SLC25A36: variants seen among roughly 807,000 people sequenced by gnomAD.
SLC25A36 encodes the protein epididymis secretory sperm binding protein.
A neutral mutation model predicts 35.3 loss-of-function variants in SLC25A36; 24 were observed. The observed-to-expected ratio is 0.68, with a 90% CI of 0.49 to 0.96. SLC25A36 has a LOEUF of 0.96. Among genes scored for constraint, SLC25A36 ranks in the 40% least tolerant of loss-of-function variants. The probability of loss-of-function intolerance (pLI) is 0.00; values close to 1 mark genes in which losing one functional copy is unlikely to be tolerated. For missense variants in SLC25A36, 294 were observed against 381.1 expected (o/e 0.77, Z 1.90); for synonymous variants, 141 against 132.2 (o/e 1.07, Z -0.46).
chr3:140,963,350 A>G, intron 4 of SLC25A36, 123 bp downstream of exon 4: 1 of 660,822 alleles, frequency 1.5e-6, no homozygotes, highest in Non-Finnish European at 2.5e-6. Context: ...GATGATTTTT[A>G]CGTTTATCGA....
In SLC25A36 at chr3:140,973,701, C is replaced by G. The variant is rs780544346; in HGVS notation, c.453-15C>G. 7.0e-7 allele frequency: 1 copy of G among 1,427,784 alleles called. No individual in the cohort carries two copies. Among genetic ancestry groups the G allele is most frequent in the Admixed American group, 2.4e-5 (1 of 41,874 alleles). The allele number at this position is 1,427,784 out of a possible 1,614,324, so 88.4% of individuals were successfully genotyped here. On this transcript the variant is annotated splice_polypyrimidine_tract_variant and intron_variant, in intron 5 of 6. Coordinates refer to ENST00000324194, the MANE Select transcript of SLC25A36 (RefSeq NM_001104647.3). Reference sequence around the variant, plus strand: ...TAAAAAACCTATCAGTAAGATGTTTCTTTTTGCTTTTCAGGAACCGCGGGG... The same window carrying G: ...TAAAAAACCTATCAGTAAGATGTTTGTTTTTGCTTTTCAGGAACCGCGGGG...
At chr3:140,961,132 C>G (rs1349459050) in intron 3 of SLC25A36, among the ~76,000 whole-genome samples, 5 of 151,994 alleles carry the variant, frequency 3.3e-5, no homozygotes, top group Non-Finnish European at 7.4e-5. Context: ...TTTATGGGTT[C>G]TTTTCTCTCT....
chr3:140,980,094 A>G lies in SLC25A36; in HGVS notation c.*3641A>G, dbSNP rs1935149279. Among the ~76,000 whole-genome samples, 3 of 152,170 alleles carry G rather than the reference A, an allele frequency of 2.0e-5. No individual in the cohort carries two copies. The highest frequency in any genetic ancestry group is 7.2e-5 in the African/African-American group (3 of 41,454). ...GCAAACCTTATCTTGAGCACTTTGTATCTGTTAGATCTAGTGATGTCTGAA... is the reference window on the plus strand; with the variant it reads ...GCAAACCTTATCTTGAGCACTTTGTGTCTGTTAGATCTAGTGATGTCTGAA... On this transcript the variant is annotated 3_prime_UTR_variant, in exon 7 of 7. Transcript: ENST00000324194.
intron 6 of SLC25A36, among the ~76,000 whole-genome samples, 191 bp from the exon 7 acceptor site, chr3:140,976,069 G>T (rs1935035463): frequency 3.9e-5 from 6 of 152,008 alleles, no homozygotes; most frequent in Admixed American, 3.9e-4. Flanking sequence ...TATAATTAAT[G>T]TACATGATTT....
At chr3:140,975,097 C>CTTT (rs10662120) in intron 6 of SLC25A36, among the ~76,000 whole-genome samples, 769 of 55,124 alleles carry the variant, frequency 0.014, 219 homozygotes, top group Middle Eastern at 0.034. Context: ...AAGATACATT[C>CTTT]TTTTTTTTTT....
intron 4 of SLC25A36, chr3:140,964,750 G>A (rs1193092231): frequency 6.6e-6 from 1 of 151,872 alleles, no homozygotes; most frequent in East Asian, 1.9e-4. Context: ...TAGAAAGTTA[G>A]ATGAGCAGTC....
intron 3 of SLC25A36, among the ~76,000 whole-genome samples, chr3:140,961,665 C>A (rs1346482162): frequency 6.6e-6 from 1 of 151,698 alleles, no homozygotes; most frequent in Non-Finnish European, 1.5e-5. Context: ...ACCATCCTGG[C>A]TAACACAGTG....
Position 140,959,542 on chromosome 3 carries a change from T to TAA in SLC25A36, c.284+16_284+17dup, listed in dbSNP as rs76812029. On this transcript the variant is annotated splice_region_variant and intron_variant, in intron 3 of 6. Coordinates refer to ENST00000324194, the MANE Select transcript of SLC25A36 (RefSeq NM_001104647.3). ...TTTAGTGGGGGTAGCCCCTTCCAGG[T>TAA]AAAAAAAAAAAAAAATTGTTTAAAG... 1,287 of 1,213,700 alleles carry TAA rather than the reference T, an allele frequency of 1.1e-3. No homozygotes were observed. Among genetic ancestry groups the TAA allele is most frequent in the South Asian group, 1.4e-3 (74 of 53,658 alleles). 75.2% of individuals were successfully genotyped at this position (1,213,700 alleles called of 1,614,324 possible). A position where few individuals can be genotyped will look rare whatever the true frequency, so the allele number is the denominator to read the frequency against.
At position 140,976,573 on chromosome 3, in the gene SLC25A36, A is replaced by G; in HGVS notation, c.*120A>G. The G allele has an allele frequency of 1.3e-6, 1 of 763,902 alleles. No homozygotes were observed. Among genetic ancestry groups the G allele is most frequent in the Middle Eastern group, 2.7e-4 (1 of 3,748 alleles). 47.3% of individuals were successfully genotyped at this position (763,902 alleles called of 1,614,324 possible). On this transcript the variant is annotated 3_prime_UTR_variant, in exon 7 of 7. Coordinates refer to ENST00000324194, the MANE Select transcript of SLC25A36 (RefSeq NM_001104647.3). ...AGTTTGGGAACATGTAACTATTCTAAGTGGAAGTTTTGTTGTAGGAATTAT... is the reference window on the plus strand; with the variant it reads ...AGTTTGGGAACATGTAACTATTCTAGGTGGAAGTTTTGTTGTAGGAATTAT...
rs1205853874 is a variant in SLC25A36 at position 140,980,486 on chromosome 3, A to G, written c.*4033A>G. ...ACATAAATCTGAAATTGTTGGTTCT[A>G]CTAATAGTACTCTGCACTGAAGGCA... On this transcript the variant is annotated 3_prime_UTR_variant, in exon 7 of 7. Transcript: ENST00000324194. Among the ~76,000 whole-genome samples, 3 of 152,154 alleles carry G rather than the reference A, an allele frequency of 2.0e-5. No homozygotes were observed. The highest frequency in any genetic ancestry group is 4.4e-5 in the Non-Finnish European group (3 of 68,034).
intron 1 of SLC25A36, among the ~76,000 whole-genome samples, chr3:140,946,474 C>A (rs943257428): frequency 2.6e-5 from 4 of 152,014 alleles, no homozygotes; most frequent in Non-Finnish European, 5.9e-5. Flanking sequence ...CTAGACTATG[C>A]GTGGGACAGG....
chr3:140,957,474 G>A (rs1052753697), intron 2 of SLC25A36, among the ~76,000 whole-genome samples: 6 of 152,206 alleles, frequency 3.9e-5, no homozygotes, highest in African/African-American at 1.4e-4. Context: ...ATAAGTGGTG[G>A]CTCACGCCCA....
intron 1 of SLC25A36, among the ~76,000 whole-genome samples, chr3:140,948,470 C>T (rs1934228507): frequency 6.6e-6 from 1 of 152,154 alleles, no homozygotes; most frequent in South Asian, 2.1e-4. Flanking sequence ...GCGTGAGCCA[C>T]CGTGCCCGGC....
rs1321350601 is a variant in SLC25A36 at position 140,976,875 on chromosome 3, A to G, written c.*422A>G. Reference sequence around the variant, plus strand: ...GTTTAATTCCAGTAAAATAACAGCAATGACAATGAGATCGTCAGTATTATT... The same window carrying G: ...GTTTAATTCCAGTAAAATAACAGCAGTGACAATGAGATCGTCAGTATTATT... On this transcript the variant is annotated 3_prime_UTR_variant, in exon 7 of 7. Transcript: ENST00000324194. 3 of 152,922 alleles carry G rather than the reference A, an allele frequency of 2.0e-5. No homozygotes were observed. Among genetic ancestry groups the G allele is most frequent in the Admixed American group, 1.3e-4 (2 of 15,294 alleles). The allele number at this position is 152,922 out of a possible 1,614,324, so 9.5% of individuals were successfully genotyped here.
At chr3:140,943,732 C>G (rs1298328605) in intron 1 of SLC25A36, among the ~76,000 whole-genome samples, 1 of 152,166 alleles carries the variant, frequency 6.6e-6, no homozygotes, top group Non-Finnish European at 1.5e-5. Context: ...TCTCTAGCTC[C>G]TAACATTTCT....
At chr3:140,969,313 C>T (rs1934842519) in intron 4 of SLC25A36, among the ~76,000 whole-genome samples, 1 of 151,656 alleles carries the variant, frequency 6.6e-6, no homozygotes. Context: ...ATGAAAAGAA[C>T]CTTTTATTTA....
intron 4 of SLC25A36, chr3:140,964,153 A>G (rs532606463): frequency 1.3e-5 from 2 of 152,116 alleles, no homozygotes; most frequent in African/African-American, 4.8e-5. Context: ...AAACTGTTAA[A>G]CACTTTTGGT....
rs1934484573 is a variant in SLC25A36 at position 140,956,554 on chromosome 3, G to A, written c.69G>A (p.Leu23=). 6.2e-7 allele frequency: 1 copy of A among 1,601,600 alleles called. No individual in the cohort carries two copies. Among genetic ancestry groups the A allele is most frequent in the Admixed American group, 1.7e-5 (1 of 58,946 alleles). Residue 23 remains leucine (L), a synonymous_variant, in exon 2 of 7, where the codon CTG becomes CTA. Coordinates refer to ENST00000324194, the MANE Select transcript of SLC25A36 (RefSeq NM_001104647.3). Reference sequence around the variant, plus strand: ...GTGGTGGTACAGTGGGAGCTATTCTGACATGTCCACTGGAAGTTGTAAAAA... The same window carrying A: ...GTGGTGGTACAGTGGGAGCTATTCTAACATGTCCACTGGAAGTTGTAAAAA... ...GGCGGTVGAI[L]TCPLEVVKTR...
intron 1 of SLC25A36, among the ~76,000 whole-genome samples, chr3:140,954,518 ATTT>A (rs1028745072): frequency 1.3e-5 from 2 of 152,184 alleles, no homozygotes; most frequent in Non-Finnish European, 2.9e-5. Flanking sequence ...AGTGTAAGAG[ATTT>A]CCAGTTCAGC....
Sources: allele counts gnomAD v4.1 joint callset (sites outside exome capture counted in the v4.1 genomes callset), GRCh38; gene constraint gnomAD v4.1.1; transcripts MANE v1.5; gene names NCBI Gene and HGNC (gene_info 2026-07-23, HGNC 2026-07-21).